VCL: variants seen among roughly 807,000 people sequenced by gnomAD.
The protein encoded by VCL is vinculin, also known as epididymis luminal protein 114.
In VCL, 47 loss-of-function variants were observed where a neutral mutation model predicts 125.7. The observed-to-expected ratio is 0.37, with a 90% confidence interval of 0.30 to 0.48. VCL has a LOEUF of 0.48. Ranked by LOEUF, VCL falls within the 20% of genes least tolerant of loss-of-function variation. The pLI is 0.99. For synonymous variants in VCL, 458 were observed against 514.6 expected, an observed-to-expected ratio of 0.89 and a Z score of 1.49; for missense variants, 1,069 against 1,455.5, an observed-to-expected ratio of 0.73 and a Z score of 4.32.
intron 11 of VCL, 131 bp downstream of exon 11, chr10:74,094,592 A>G: frequency 8.6e-7 from 1 of 1,156,244 alleles, no homozygotes. Flanking sequence ...CTGTGATTCC[A>G]TTTCCAAATG....
chr10:74,114,455 G>T, intron 20 of VCL, 68 bp downstream of exon 20: 1 of 1,550,546 alleles, frequency 6.4e-7, no homozygotes, highest in East Asian at 2.3e-5. Context: ...GTGTGTGTTG[G>T]AGGGGAGGGT....
At chr10:74,115,691 C>T (rs1480496855) in intron 21 of VCL, among the ~76,000 whole-genome samples, 2 of 152,204 alleles carry the variant, frequency 1.3e-5, no homozygotes, top group Admixed American at 1.3e-4. Context: ...ATAGTGCAGG[C>T]TTTTCCGGGG....
rs757517552 is a variant in VCL, at chr10:74,082,523, C to T, written c.853C>T (p.Arg285Cys). The T allele has an allele frequency of 5.6e-6, 9 of 1,614,092 alleles. No individual in the cohort carries two copies. The highest frequency in any genetic ancestry group is 4.5e-5 in the East Asian group (2 of 44,872). Residue 285 changes from arginine (R) to cysteine (C), a missense_variant, in exon 7 of 22, where the codon CGT becomes TGT. Coordinates refer to ENST00000211998, the MANE Select transcript of VCL (RefSeq NM_014000.3). ...SKLNQAKGWL[R>C]DPSASPGDAG... is the part of the protein sequence containing the mutation. ...ACTGAACCAGGCCAAAGGTTGGCTC[C>T]GTGACCCTAGTGCCTCCCCAGGTAA...
At chr10:74,055,748 A>T (rs1245876916) in intron 2 of VCL, among the ~76,000 whole-genome samples, 1 of 152,200 alleles carries the variant, frequency 6.6e-6, no homozygotes, top group Non-Finnish European at 1.5e-5. Context: ...TCTTGCTTGT[A>T]TACTCAGTCT....
chr10:74,104,357 C>T (rs1408539037), intron 15 of VCL, among the ~76,000 whole-genome samples: 1 of 152,152 alleles, frequency 6.6e-6, no homozygotes, highest in East Asian at 1.9e-4. Context: ...AAAGTTTCCT[C>T]CAACTTATCA....
At chr10:74,005,525 G>T (rs904236435) in intron 1 of VCL, among the ~76,000 whole-genome samples, 4 of 152,122 alleles carry the variant, frequency 2.6e-5, no homozygotes, top group African/African-American at 9.7e-5. Context: ...CAAAGTGCTG[G>T]GATTACAGGT....
chr10:74,025,312 G>A (rs1353102155), intron 1 of VCL, among the ~76,000 whole-genome samples: 1 of 151,982 alleles, frequency 6.6e-6, no homozygotes, highest in Non-Finnish European at 1.5e-5. Flanking sequence ...CATGGTGCCT[G>A]GCCCCACTCT....
chr10:74,100,944 C>T lies in VCL; in HGVS notation c.1873-4C>T, dbSNP rs746176731. 1.9e-6 allele frequency: 3 copies of T among 1,613,810 alleles called. No homozygotes were observed. Among genetic ancestry groups the T allele is most frequent in the Admixed American group, 3.3e-5 (2 of 59,984 alleles). ...ATGTTCTTAATATCTGTTTTTTCCT[C>T]AAGGTATTTGATGAGAGGGCAGCTA... is the stretch of plus-strand genomic sequence containing the variant. On this transcript the variant is annotated splice_region_variant and splice_polypyrimidine_tract_variant and intron_variant, in intron 13 of 21. Transcript: ENST00000211998.
intron 1 of VCL, among the ~76,000 whole-genome samples, chr10:74,015,586 C>A (rs1289098059): frequency 6.6e-6 from 1 of 151,846 alleles, no homozygotes; most frequent in East Asian, 1.9e-4. Context: ...TTCTTTAGTT[C>A]TTCCAGTTTG....
intron 11 of VCL, 140 bp from the exon 12 acceptor site, chr10:74,095,516 C>A: frequency 1.0e-6 from 1 of 989,270 alleles, no homozygotes; most frequent in Non-Finnish European, 1.5e-6. Flanking sequence ...CTTGAGCCGG[C>A]AGGTCAAGGC....
intron 1 of VCL, chr10:74,028,033 G>A (rs899853409): frequency 1.3e-5 from 2 of 152,086 alleles, no homozygotes; most frequent in Non-Finnish European, 2.9e-5. Context: ...ATATGTAAAG[G>A]TTACTTAATT....
chr10:74,043,982 G>A (rs922398884), intron 2 of VCL, among the ~76,000 whole-genome samples: 5 of 152,008 alleles, frequency 3.3e-5, no homozygotes, highest in Admixed American at 6.5e-5. Context: ...GTGGTGGCGG[G>A]TGCCTGTAGT....
chr10:74,010,714 G>C (rs150500840), intron 1 of VCL, among the ~76,000 whole-genome samples: 1 of 151,874 alleles, frequency 6.6e-6, no homozygotes, highest in Non-Finnish European at 1.5e-5. Context: ...AATTTTCAAA[G>C]CAAGGTGAGG....
At chr10:74,037,122 C>T (rs541635971) in intron 1 of VCL, among the ~76,000 whole-genome samples, 3 of 152,148 alleles carry the variant, frequency 2.0e-5, no homozygotes, top group South Asian at 2.1e-4. Context: ...GTGTTAGCCA[C>T]GATGGTCTCC....
chr10:74,114,424 TGTGTGTGTGTGTGC>T (rs1840279869), intron 20 of VCL, 37 bp downstream of exon 20: 2 of 1,585,662 alleles, frequency 1.3e-6, no homozygotes, highest in East Asian at 2.3e-5. Context: ...TGTGTGTGTG[TGTGTGTGTGTGTGC>T]GTGTGTGTGT....
intron 1 of VCL, among the ~76,000 whole-genome samples, chr10:74,032,055 A>C (rs1196815612): frequency 7.6e-6 from 1 of 132,418 alleles, no homozygotes; most frequent in Admixed American, 7.9e-5. Context: ...CAAGAGCAAA[A>C]CTCCATCTCA....
intron 1 of VCL, among the ~76,000 whole-genome samples, chr10:74,034,006 C>T (rs778648297): frequency 6.6e-6 from 1 of 152,160 alleles, no homozygotes; most frequent in Non-Finnish European, 1.5e-5. Context: ...CTGTAAGCTC[C>T]ATGAGATCTG....
intron 8 of VCL, among the ~76,000 whole-genome samples, chr10:74,088,744 T>C (rs866323031): frequency 4.6e-5 from 7 of 152,212 alleles, no homozygotes; most frequent in Non-Finnish European, 7.3e-5. Flanking sequence ...TGGTACACTT[T>C]CATTAACACT....
chr10:73,998,199 G>A lies in VCL; in HGVS notation c.-9G>A. ...TCGCCCGCGGTTCGCCGCCCCGCTC[G>A]CCGCCGCGATGCCAGTGTTTCATAC... On this transcript the variant is annotated 5_prime_UTR_variant, in exon 1 of 22. Transcript: ENST00000211998. 5.0e-6 allele frequency: 8 copies of A among 1,611,060 alleles called. No homozygotes were observed. Among genetic ancestry groups the A allele is most frequent in the African/African-American group, 1.3e-5 (1 of 74,974 alleles).
Sources: gnomAD v4.1 joint callset for allele counts (sites outside exome capture counted in the v4.1 genomes callset) on GRCh38, gnomAD v4.1.1 for gene constraint, MANE v1.5 for transcripts, NCBI Gene and HGNC (gene_info 2026-07-23, HGNC 2026-07-21) for gene names.